The following TMEM117 variants were observed in gnomAD, a reference collection of about 807,000 sequenced individuals.
The protein encoded by TMEM117 is transmembrane protein 117.
TMEM117 carries 27 observed loss-of-function variants against 52.4 expected under a neutral mutation model. The observed-to-expected ratio is 0.51, with a 90% confidence interval of 0.38 to 0.71. The LOEUF (loss-of-function observed/expected upper bound fraction) is 0.71, where lower values mean the gene tolerates loss of function less well. TMEM117 is among the 30% of genes least tolerant of loss of function. The pLI is 0.00. For missense variants in TMEM117, 556 were observed against 630.5 expected (o/e 0.88, Z 1.26); for synonymous variants, 215 against 206.3 (o/e 1.04, Z -0.36).
chr12:44,232,121 TTTTA>T (rs1171840986), intron 5 of TMEM117, among the ~76,000 whole-genome samples: 1 of 151,626 alleles, frequency 6.6e-6, no homozygotes, highest in East Asian at 1.9e-4. Flanking sequence ...TGTTCTTTAT[TTTTA>T]TTTTTTGATC....
chr12:44,091,965 G>A (rs780455822), intron 3 of TMEM117, among the ~76,000 whole-genome samples: 34 of 152,318 alleles, frequency 2.2e-4, no homozygotes, highest in Admixed American at 3.3e-4. Context: ...CATAGATGGG[G>A]TCAGTAGATT....
rs200195803 is a variant in TMEM117, at chr12:44,102,416, C to CT, written c.411-41101dup. 3.1e-3 allele frequency among the ~76,000 whole-genome samples: 474 copies of CT among 151,880 alleles called. 6 individuals carry two copies. Among genetic ancestry groups the CT allele is most frequent in the African/African-American group, 0.01 (427 of 41,442 alleles). On this transcript the variant is annotated intron_variant, in intron 3 of 7. Transcript: ENST00000266534. ...GTGAGTTAGGTGATTTCTTGCAGTT[C>CT]TTTTTTTTCCCCTCAGTAAGTCATT...
chr12:44,181,764 G>A (rs1949203305), intron 4 of TMEM117, among the ~76,000 whole-genome samples: 1 of 150,512 alleles, frequency 6.6e-6, no homozygotes, highest in Non-Finnish European at 1.5e-5. Context: ...TAGCCTTGTA[G>A]TATAGTTTGA....
chr12:44,102,649 A>C (rs1947881963), intron 3 of TMEM117, among the ~76,000 whole-genome samples: 1 of 152,046 alleles, frequency 6.6e-6, no homozygotes, highest in Non-Finnish European at 1.5e-5. Flanking sequence ...AGGTTTCAGA[A>C]ATAGTCCAAA....
At chr12:43,944,393 G>T in intron 3 of TMEM117, 51 bp downstream of exon 3, 1 of 1,541,480 alleles carries the variant, frequency 6.5e-7, no homozygotes, top group African/African-American at 1.4e-5. Context: ...TTTGAAACTT[G>T]TAAGAATTTA....
At chr12:44,063,784 A>C (rs973322078) in intron 3 of TMEM117, among the ~76,000 whole-genome samples, 3 of 152,076 alleles carry the variant, frequency 2.0e-5, no homozygotes, top group African/African-American at 7.2e-5. Context: ...GATGTTATAA[A>C]GCCAATTAAA....
intron 3 of TMEM117, among the ~76,000 whole-genome samples, chr12:44,115,377 C>T (rs1457194414): frequency 1.3e-5 from 2 of 152,098 alleles, no homozygotes; most frequent in African/African-American, 2.4e-5. Flanking sequence ...TTAATGGGTG[C>T]AGCACACAAA....
At chr12:44,078,802 T>C (rs1240001948) in intron 3 of TMEM117, among the ~76,000 whole-genome samples, 1 of 152,126 alleles carries the variant, frequency 6.6e-6, no homozygotes, top group African/African-American at 2.4e-5. Flanking sequence ...GGTGGTTTGC[T>C]GCAGCCATCA....
intron 2 of TMEM117, among the ~76,000 whole-genome samples, chr12:43,906,134 A>G (rs1208295125): frequency 6.6e-6 from 1 of 152,192 alleles, no homozygotes; most frequent in East Asian, 1.9e-4. Context: ...ATACTTGTGC[A>G]ATACATTTTA....
chr12:44,079,842 C>T lies in TMEM117; in HGVS notation c.411-63683C>T, dbSNP rs1270750269. On this transcript the variant is annotated intron_variant, in intron 3 of 7. Coordinates refer to ENST00000266534, the MANE Select transcript of TMEM117 (RefSeq NM_032256.3). Reference sequence around the variant, plus strand: ...ACCAGCCTGGCCAACGTGGTGAAACCTCATCTCTACTAAAAATAAAAAAAA... The same window carrying T: ...ACCAGCCTGGCCAACGTGGTGAAACTTCATCTCTACTAAAAATAAAAAAAA... 2.0e-5 allele frequency among the ~76,000 whole-genome samples: 3 copies of T among 151,620 alleles called. No homozygotes were observed. In the East Asian group the frequency reaches 5.8e-4, roughly 29 times the overall value.
intron 6 of TMEM117, among the ~76,000 whole-genome samples, chr12:44,304,200 A>G (rs1950876587): frequency 1.3e-5 from 2 of 152,138 alleles, no homozygotes; most frequent in Non-Finnish European, 2.9e-5. Context: ...GAGGGAGGAG[A>G]GCACAGTGAC....
At chr12:44,141,207 T>C (rs1948566198) in intron 3 of TMEM117, among the ~76,000 whole-genome samples, 1 of 152,146 alleles carries the variant, frequency 6.6e-6, no homozygotes, top group Non-Finnish European at 1.5e-5. Flanking sequence ...GTAACCTCCA[T>C]GATACCAAAT....
At chr12:44,293,510 C>G (rs1483099470) in intron 5 of TMEM117, among the ~76,000 whole-genome samples, 1 of 151,966 alleles carries the variant, frequency 6.6e-6, no homozygotes, top group African/African-American at 2.4e-5. Flanking sequence ...TTTTCTCCTG[C>G]TGTCTTTCTT....
chr12:44,093,953 C>G (rs1291601491), intron 3 of TMEM117, among the ~76,000 whole-genome samples: 1 of 151,936 alleles, frequency 6.6e-6, no homozygotes, highest in Non-Finnish European at 1.5e-5. Context: ...TGTTAATTTA[C>G]TCACAGAGTA....
intron 3 of TMEM117, among the ~76,000 whole-genome samples, chr12:44,047,494 A>G (rs74084623): frequency 0.061 from 9,303 of 152,158 alleles, 440 homozygotes; most frequent in African/African-American, 0.13. Context: ...CAAATCACCT[A>G]CCTTCATCCA....
At chr12:44,039,607 A>G (rs1290982034) in intron 3 of TMEM117, among the ~76,000 whole-genome samples, 4 of 152,110 alleles carry the variant, frequency 2.6e-5, no homozygotes, top group Middle Eastern at 3.4e-3. Context: ...AAAGTATAAC[A>G]CATTCACAGA....
chr12:44,197,013 C>T (rs1949429796), intron 4 of TMEM117, among the ~76,000 whole-genome samples: 1 of 152,188 alleles, frequency 6.6e-6, no homozygotes, highest in Non-Finnish European at 1.5e-5. Context: ...ATAGAGCTGG[C>T]TGAACCATTT....
At position 44,388,765 on chromosome 12, in the gene TMEM117, AG is replaced by A; in HGVS notation, c.*94del. On this transcript the variant is annotated 3_prime_UTR_variant, in exon 8 of 8. Coordinates refer to ENST00000266534, the MANE Select transcript of TMEM117 (RefSeq NM_032256.3). ...CCTTTTGTATATGTAAGGTTTACGT[AG>A]TGTTAGGTAAAAATATGAACAATGC... The A allele has an allele frequency of 7.2e-7, 1 of 1,380,632 alleles. No homozygotes were observed. The highest frequency in any genetic ancestry group is 9.9e-7 in the Non-Finnish European group (1 of 1,013,388). The allele number at this position is 1,380,632 out of a possible 1,614,324, so 85.5% of individuals were successfully genotyped here.
chr12:44,101,050 C>G (rs1422881545), intron 3 of TMEM117, among the ~76,000 whole-genome samples: 1 of 151,848 alleles, frequency 6.6e-6, no homozygotes, highest in Admixed American at 6.6e-5. Context: ...AAGGTGTCTT[C>G]TTGCTGCATC....
Sources: gnomAD v4.1 joint callset for allele counts (sites outside exome capture counted in the v4.1 genomes callset) on GRCh38, gnomAD v4.1.1 for gene constraint, MANE v1.5 for transcripts, NCBI Gene and HGNC (gene_info 2026-07-23, HGNC 2026-07-21) for gene names.